The following PSME4 variants were observed in gnomAD, a reference collection of about 807,000 sequenced individuals.
PSME4 encodes proteasome activator complex subunit 4.
In PSME4, 89 loss-of-function variants were observed where a neutral mutation model predicts 253.9. That is an observed-to-expected ratio of 0.35 (90% CI 0.30 to 0.42). The LOEUF (loss-of-function observed/expected upper bound fraction) is 0.42. Among genes scored for constraint, PSME4 ranks in the 10% least tolerant of loss-of-function variants. PSME4 has a pLI of 1.00. For synonymous variants in PSME4, 851 were observed against 759.2 expected, an observed-to-expected ratio of 1.12 and a Z score of -1.99; for missense variants, 2,014 against 2,195.2, an observed-to-expected ratio of 0.92 and a Z score of 1.65.
intron 1 of PSME4, among the ~76,000 whole-genome samples, chr2:53,968,984 G>A (rs1190259578): frequency 6.6e-6 from 1 of 152,150 alleles, no homozygotes; most frequent in Admixed American, 6.5e-5. Context: ...AAAAAAAGCT[G>A]TTTGCGTCCC....
chr2:53,908,150 G>A, intron 24 of PSME4, 170 bp downstream of exon 24: 2 of 554,070 alleles, frequency 3.6e-6, no homozygotes, highest in Admixed American at 6.9e-5. Context: ...TATATTTTTT[G>A]CTAGGATCCA....
chr2:53,900,621 A>G (rs1680352831), intron 28 of PSME4, among the ~76,000 whole-genome samples: 1 of 152,236 alleles, frequency 6.6e-6, no homozygotes, highest in Non-Finnish European at 1.5e-5. Flanking sequence ...TAACATGTCC[A>G]TATTAAAAGG....
intron 20 of PSME4, 64 bp downstream of exon 20, chr2:53,919,087 A>G (rs943311307): frequency 1.0e-5 from 15 of 1,469,020 alleles, no homozygotes; most frequent in Non-Finnish European, 1.2e-5. Flanking sequence ...CAACAAACCA[A>G]TAACTCATTA....
intron 29 of PSME4, 116 bp from the exon 30 acceptor site, chr2:53,898,470 C>T (rs1680242510): frequency 3.9e-6 from 3 of 762,378 alleles, no homozygotes; most frequent in Admixed American, 2.9e-5. Context: ...CTTCCCACCA[C>T]CTGACTGTAA....
rs1159177365 is a variant in PSME4 at position 53,908,815 on chromosome 2, T to C, written c.2598A>G (p.Glu866=). The C allele has an allele frequency of 3.1e-6, 5 of 1,603,708 alleles. No individual in the cohort carries two copies. The highest frequency in any genetic ancestry group is 4.3e-6 in the Non-Finnish European group (5 of 1,172,518). ...EYDLSRENHR[E]VIATVIRKLL... is the part of the protein sequence containing the mutation. ...GTTTCCTTATAACTGTAGCAATTACTTCTCGGTGGTTCTCTCGAGACAGAT... is the reference window on the plus strand; with the variant it reads ...GTTTCCTTATAACTGTAGCAATTACCTCTCGGTGGTTCTCTCGAGACAGAT... Residue 866 remains glutamate, a synonymous_variant, in exon 22 of 47, where the codon GAA becomes GAG. Coordinates refer to ENST00000404125, the MANE Select transcript of PSME4 (RefSeq NM_014614.3).
At chr2:53,965,065 C>T (rs920163505) in intron 1 of PSME4, among the ~76,000 whole-genome samples, 3 of 152,066 alleles carry the variant, frequency 2.0e-5, no homozygotes, top group African/African-American at 7.2e-5. Context: ...ACATACTTCA[C>T]TAAAATCAAA....
intron 42 of PSME4, among the ~76,000 whole-genome samples, chr2:53,874,872 G>T (rs1573193373): frequency 6.6e-6 from 1 of 152,298 alleles, no homozygotes; most frequent in East Asian, 1.9e-4. Flanking sequence ...ATGAACCTGG[G>T]GGGCGGAGGT....
In PSME4 at chr2:53,932,704, T is replaced by C. The variant is rs927239373; in HGVS notation, c.1014A>G (p.Thr338=). 5 of 1,613,962 alleles carry C rather than the reference T, an allele frequency of 3.1e-6. No individual in the cohort carries two copies. Among genetic ancestry groups the C allele is most frequent in the Non-Finnish European group, 4.2e-6 (5 of 1,179,856 alleles). Residue 338 remains threonine, a synonymous_variant, in exon 9 of 47, where the codon ACA becomes ACG. Transcript: ENST00000404125. ...CATTATTTGAAGGATGGTAAAAAGA[T>C]GTGATGCTGTTAAACAAACCAGCTA... ...KHLAGLFNSI[T]SFYHPSNNGR...
At chr2:53,874,027 A>G (rs1679011129) in intron 43 of PSME4, among the ~76,000 whole-genome samples, 1 of 152,184 alleles carries the variant, frequency 6.6e-6, no homozygotes, top group Non-Finnish European at 1.5e-5. Context: ...CAGTGGTACA[A>G]TCACAGCTCA....
chr2:53,880,215 G>A (rs750640925), intron 41 of PSME4, among the ~76,000 whole-genome samples: 19 of 152,296 alleles, frequency 1.2e-4, no homozygotes, highest in Admixed American at 2.6e-4. Flanking sequence ...CTAGCACTTT[G>A]GAGGCCAAGG....
chr2:53,866,330 C>A (rs1312253391), intron 45 of PSME4, 107 bp from the exon 46 acceptor site: 1 of 1,233,268 alleles, frequency 8.1e-7, no homozygotes, highest in Non-Finnish European at 1.1e-6. Context: ...AGATCTCACA[C>A]AATACCAAGT....
chr2:53,870,922 C>G (rs1454541202), intron 43 of PSME4: 2 of 152,110 alleles, frequency 1.3e-5, no homozygotes, highest in Non-Finnish European at 2.9e-5. Context: ...AGGCGTAAGC[C>G]TCTGTGCCCG....
At chr2:53,931,549 A>T (rs1158484181) in intron 10 of PSME4, among the ~76,000 whole-genome samples, 1 of 152,250 alleles carries the variant, frequency 6.6e-6, no homozygotes, top group Non-Finnish European at 1.5e-5. Flanking sequence ...CAACATTTCG[A>T]TCTAAAAAGG....
chr2:53,933,950 G>C (rs753864190), intron 8 of PSME4, among the ~76,000 whole-genome samples: 2 of 152,002 alleles, frequency 1.3e-5, no homozygotes, highest in South Asian at 2.1e-4. Context: ...TGAAGTTTAA[G>C]AAGTAAACTT....
intron 1 of PSME4, among the ~76,000 whole-genome samples, chr2:53,962,679 C>A (rs1205887618): frequency 6.6e-6 from 1 of 152,154 alleles, no homozygotes; most frequent in Admixed American, 6.5e-5. Context: ...GAAGTTACCA[C>A]CTGGCCTAGT....
At chr2:53,967,082 G>A (rs1468161987) in intron 1 of PSME4, among the ~76,000 whole-genome samples, 1 of 152,136 alleles carries the variant, frequency 6.6e-6, no homozygotes, top group African/African-American at 2.4e-5. Flanking sequence ...TCCATGAGCT[G>A]TCTGCCATTG....
chr2:53,898,046 T>TC, intron 30 of PSME4, 47 bp from the exon 31 acceptor site: 1 of 1,560,778 alleles, frequency 6.4e-7, no homozygotes, highest in Non-Finnish European at 8.7e-7. Context: ...TAAAACCACT[T>TC]GGAAAAAAAA....
rs1414018536 is a variant in PSME4, at chr2:53,897,938, C to T, written c.3538G>A (p.Val1180Met). The T allele has an allele frequency of 1.2e-6, 2 of 1,613,114 alleles. No homozygotes were observed. The highest frequency in any genetic ancestry group is 8.5e-7 in the Non-Finnish European group (1 of 1,179,234). The change falls in exon 31 of 47, where the codon GTG becomes ATG. Residue 1180 changes from valine to methionine, a missense_variant. Physicochemically the swap from Val to Met is conservative, Grantham distance 21 (BLOSUM62 1). This residue lies in a region of PSME4 where 989 missense variants were observed against 1,021.1 expected (regional missense o/e 0.97). Coordinates refer to ENST00000404125, the MANE Select transcript of PSME4 (RefSeq NM_014614.3). ...AACCGTATGGCACGAAGAGGCAACA[C>T]TCGGTCATCTCTCAGCAGTAGAGAC... Reference protein sequence around the residue: ...LLSLLLRDDRVLPLRAIRFFV... With the variant: ...LLSLLLRDDRMLPLRAIRFFV...
At chr2:53,925,772 T>C (rs1573304914) in intron 13 of PSME4, 83 bp from the exon 14 acceptor site, 3 of 1,393,588 alleles carry the variant, frequency 2.2e-6, no homozygotes, top group South Asian at 2.5e-5. Context: ...CTCTCTATTG[T>C]CCTAATTATT....
Sources: gnomAD v4.1 joint callset for allele counts (sites outside exome capture counted in the v4.1 genomes callset) on GRCh38, gnomAD v4.1.1 for gene constraint, gnomAD v4.1.1 regional missense constraint, MANE v1.5 for transcripts, NCBI Gene and HGNC (gene_info 2026-07-23, HGNC 2026-07-21) for gene names.